Variants in PRUNE2 observed in about 807,000 individuals in gnomAD.
PRUNE2 encodes protein prune homolog 2.
A neutral mutation model predicts 252.0 loss-of-function variants in PRUNE2; 164 were observed. That is an observed-to-expected ratio of 0.65 (90% CI 0.57 to 0.74). The LOEUF (loss-of-function observed/expected upper bound fraction) is 0.74. Among genes scored for constraint, PRUNE2 ranks in the 30% least tolerant of loss-of-function variants. The pLI is 0.00. For synonymous variants in PRUNE2, 1,292 were observed against 1,350.2 expected (o/e 0.96, Z 0.94); for missense variants, 3,495 against 3,711.0 (o/e 0.94, Z 1.51).
At chr9:76,765,739 C>T (rs2052290928) in intron 6 of PRUNE2, among the ~76,000 whole-genome samples, 1 of 152,184 alleles carries the variant, frequency 6.6e-6, no homozygotes, top group Non-Finnish European at 1.5e-5. Flanking sequence ...CAGAATCATA[C>T]ATCCACAGTC....
chr9:76,709,263 G>A lies in PRUNE2; in HGVS notation c.3011C>T (p.Thr1004Met), dbSNP rs530978. 912,032 of 1,612,692 alleles carry A rather than the reference G, an allele frequency of 0.57. 264,258 individuals carry two copies. The highest frequency in any genetic ancestry group is 0.71 in the Middle Eastern group (4,286 of 6,060). ...AGGAGGAATGTCAGTCTCCTCTGCC[G>A]TGGAGTTACCATCTTTTGACTCAAA... ...EGFESKDGNSTAEETDIPPQS... is the reference protein window; with the variant it reads ...EGFESKDGNSMAEETDIPPQS... Residue 1004 changes from threonine to methionine, a missense_variant, in exon 8 of 19, where the codon ACG becomes ATG. Physicochemically the swap from Thr to Met is moderately conservative, Grantham distance 81 (BLOSUM62 -1). Transcript: ENST00000376718.
At chr9:76,647,915 T>C (rs1285891798) in intron 11 of PRUNE2, among the ~76,000 whole-genome samples, 1 of 152,096 alleles carries the variant, frequency 6.6e-6, no homozygotes, top group African/African-American at 2.4e-5. Context: ...TGAACCGAGA[T>C]TGCGTCACTG....
At chr9:76,776,262 G>C (rs1361860) in intron 6 of PRUNE2, among the ~76,000 whole-genome samples, 68,347 of 151,820 alleles carry the variant, frequency 0.45, 15,724 homozygotes, top group East Asian at 0.67. Context: ...TACCCAATGG[G>C]TAATTTTTCA....
intron 9 of PRUNE2, among the ~76,000 whole-genome samples, chr9:76,682,132 T>C (rs1403056488): frequency 1.3e-5 from 2 of 152,124 alleles, no homozygotes; most frequent in African/African-American, 4.8e-5. Context: ...TGGCTCTTGA[T>C]CTTAGCCAGA....
intron 4 of PRUNE2, among the ~76,000 whole-genome samples, chr9:76,832,473 T>C (rs2058721652): frequency 1.3e-5 from 2 of 152,162 alleles, no homozygotes; most frequent in Non-Finnish European, 2.9e-5. Context: ...TGCACTTCTA[T>C]ATAACTCATG....
At chr9:76,750,568 C>T (rs1482240528) in intron 6 of PRUNE2, among the ~76,000 whole-genome samples, 7 of 152,184 alleles carry the variant, frequency 4.6e-5, no homozygotes, top group Non-Finnish European at 1.0e-4. Context: ...TTCACAATCC[C>T]AGCCAAGATG....
intron 6 of PRUNE2, among the ~76,000 whole-genome samples, chr9:76,820,624 C>T (rs1204476732): frequency 6.6e-6 from 1 of 152,216 alleles, no homozygotes; most frequent in Admixed American, 6.5e-5. Flanking sequence ...ATATCCCCGA[C>T]ATGCTGCAGA....
chr9:76,730,365 CATAT>C (rs1263562939), intron 6 of PRUNE2, among the ~76,000 whole-genome samples: 1 of 152,182 alleles, frequency 6.6e-6, no homozygotes, highest in Non-Finnish European at 1.5e-5. Flanking sequence ...AAAAAAGATA[CATAT>C]AATCTTGTGA....
intron 9 of PRUNE2, among the ~76,000 whole-genome samples, chr9:76,670,418 C>A (rs966475412): frequency 2.6e-5 from 4 of 151,932 alleles, no homozygotes; most frequent in Non-Finnish European, 5.9e-5. Context: ...CGGAGTCTCG[C>A]TGATTGCTAG....
intron 6 of PRUNE2, among the ~76,000 whole-genome samples, chr9:76,782,513 G>A (rs1248238771): frequency 6.6e-6 from 1 of 152,176 alleles, no homozygotes; most frequent in African/African-American, 2.4e-5. Context: ...CTTCTTTACA[G>A]AGTTCTTCTA....
intron 1 of PRUNE2, among the ~76,000 whole-genome samples, chr9:76,856,857 G>A (rs148743152): frequency 0.016 from 2,432 of 151,924 alleles, 76 homozygotes; most frequent in African/African-American, 0.056. Context: ...AGGTTCAAGC[G>A]ATTCTCCTTC....
chr9:76,615,208 T>C, intron 18 of PRUNE2: 1 of 985,462 alleles, frequency 1.0e-6, no homozygotes, highest in Non-Finnish European at 1.2e-6. Flanking sequence ...ACGTCTCTCT[T>C]CTGCTTCTTA....
chr9:76,842,447 A>G (rs1421958357), intron 4 of PRUNE2, among the ~76,000 whole-genome samples: 1 of 152,166 alleles, frequency 6.6e-6, no homozygotes, highest in Admixed American at 6.5e-5. Context: ...TTATGACTAA[A>G]AAACCAAAAG....
At chr9:76,754,964 CAAAA>C (rs11292120) in intron 6 of PRUNE2, among the ~76,000 whole-genome samples, 2 of 67,964 alleles carry the variant, frequency 2.9e-5, no homozygotes, top group African/African-American at 4.9e-5. Context: ...GACTCGGTCT[CAAAA>C]AAAAAAAAAA....
At chr9:76,763,011 T>C (rs537906424) in intron 6 of PRUNE2, among the ~76,000 whole-genome samples, 1 of 152,302 alleles carries the variant, frequency 6.6e-6, no homozygotes, top group East Asian at 1.9e-4. Context: ...CTGAGACACA[T>C]CCTCTACCGC....
At position 76,709,064 on chromosome 9, in the gene PRUNE2, G is replaced by A. The variant is rs1377099103; in HGVS notation, c.3210C>T (p.Asp1070=). Residue 1070 remains aspartate (D), a synonymous_variant, in exon 8 of 19, where the codon GAC becomes GAT. Coordinates refer to ENST00000376718, the MANE Select transcript of PRUNE2 (RefSeq NM_015225.3). ...TDGKNISMED[D]VGESSQSSYD... is the part of the protein sequence containing the mutation. ...AACTGGACTGGCTGCTTTCCCCGAC[G>A]TCATCCTCCATGGAGATATTCTTAC... The A allele has an allele frequency of 5.6e-6, 9 of 1,613,910 alleles. No homozygotes were observed. Among genetic ancestry groups the A allele is most frequent in the Middle Eastern group, 1.6e-4 (1 of 6,062 alleles).
chr9:76,794,541 G>A (rs1263839739), intron 6 of PRUNE2, among the ~76,000 whole-genome samples: 8 of 151,168 alleles, frequency 5.3e-5, no homozygotes, highest in East Asian at 3.9e-4. Flanking sequence ...CTTGAATCTC[G>A]GAGGCAGAGG....
chr9:76,899,668 C>A (rs2063052717), intron 1 of PRUNE2, among the ~76,000 whole-genome samples: 1 of 152,174 alleles, frequency 6.6e-6, no homozygotes, highest in Admixed American at 6.5e-5. Context: ...ATGATACAGA[C>A]CCTGGTCCCT....
intron 6 of PRUNE2, among the ~76,000 whole-genome samples, chr9:76,814,129 C>G (rs889592444): frequency 5.3e-5 from 8 of 152,274 alleles, no homozygotes; most frequent in African/African-American, 1.9e-4. Context: ...TCATATATAT[C>G]CTTCATATCA....
Sources: gnomAD v4.1 joint callset for allele counts (sites outside exome capture counted in the v4.1 genomes callset) on GRCh38, gnomAD v4.1.1 for gene constraint, MANE v1.5 for transcripts, NCBI Gene and HGNC (gene_info 2026-07-23, HGNC 2026-07-21) for gene names.